MYO1E: variants seen among roughly 807,000 people sequenced by gnomAD.
MYO1E encodes the protein unconventional myosin-Ie.
Under a neutral mutation model 151.1 loss-of-function variants are expected in MYO1E, and 68 were observed. That is an observed-to-expected ratio of 0.45 (90% CI 0.37 to 0.55). The LOEUF (loss-of-function observed/expected upper bound fraction) is 0.55. Ranked by LOEUF, MYO1E falls within the 20% of genes least tolerant of loss-of-function variation. The probability of loss-of-function intolerance (pLI) is 0.00; values close to 1 mark genes in which losing one functional copy is unlikely to be tolerated. For missense variants in MYO1E, 1,363 were observed against 1,389.3 expected (o/e 0.98, Z 0.30); for synonymous variants, 601 against 501.7 (o/e 1.20, Z -2.64).
In MYO1E at chr15:59,159,982, C is replaced by T. The variant is rs1314267682; in HGVS notation, c.2785+1091G>A. Among the ~76,000 whole-genome samples the T allele has an allele frequency of 3.9e-5, 6 of 152,164 alleles. No homozygotes were observed. The highest frequency in any genetic ancestry group is 1.4e-4 in the African/African-American group (6 of 41,430). On this transcript the variant is annotated intron_variant, in intron 24 of 27. Coordinates refer to ENST00000288235, the MANE Select transcript of MYO1E (RefSeq NM_004998.4). This position sits in a 1 kb window ranked among gnomAD's most constrained non-coding sequence, Gnocchi z 4.4. ...GCCTCAGCCTCCCAAGTAGCTGGGA[C>T]TACAGGCATACGCCACAACACCTGG...
intron 13 of MYO1E, among the ~76,000 whole-genome samples, chr15:59,209,819 T>C (rs1434658524): frequency 1.5e-4 from 9 of 58,430 alleles, no homozygotes; most frequent in Admixed American, 3.5e-4. Context: ...AATCACCTTT[T>C]TTTTTTTTTT....
chr15:59,156,277 C>T (rs192710983), intron 25 of MYO1E, among the ~76,000 whole-genome samples: 10 of 152,256 alleles, frequency 6.6e-5, no homozygotes, highest in South Asian at 4.1e-4. Flanking sequence ...CTCCACCTCC[C>T]GGGTTCAAGC....
chr15:59,256,114 T>G (rs550146648), intron 4 of MYO1E, among the ~76,000 whole-genome samples, 170 bp downstream of exon 4: 1 of 152,208 alleles, frequency 6.6e-6, no homozygotes, highest in Non-Finnish European at 1.5e-5. Context: ...CTCTATTATA[T>G]AGAGTTATAA....
chr15:59,313,515 A>G (rs1238051090), intron 1 of MYO1E, among the ~76,000 whole-genome samples: 3 of 64,048 alleles, frequency 4.7e-5, no homozygotes, highest in Non-Finnish European at 9.3e-5. Flanking sequence ...CCCACCTCCA[A>G]CACTCCATCA....
At chr15:59,349,793 A>G (rs536899825) in intron 1 of MYO1E, among the ~76,000 whole-genome samples, 1 of 152,276 alleles carries the variant, frequency 6.6e-6, no homozygotes, top group East Asian at 1.9e-4. Flanking sequence ...AACCTTACTC[A>G]ATTATTTCCA....
intron 24 of MYO1E, 75 bp downstream of exon 24, chr15:59,160,998 C>T (rs1175608556): frequency 5.1e-6 from 8 of 1,577,744 alleles, no homozygotes; most frequent in African/African-American, 1.3e-5. Flanking sequence ...CATCTGTGCA[C>T]ATGTTTGCAG....
intron 6 of MYO1E, among the ~76,000 whole-genome samples, chr15:59,228,129 T>C (rs1419338188): frequency 6.6e-6 from 1 of 152,152 alleles, no homozygotes; most frequent in Non-Finnish European, 1.5e-5. Context: ...TGACTGCTAA[T>C]AGGGAACAAA....
chr15:59,174,877 G>C (rs1390693092), intron 19 of MYO1E, among the ~76,000 whole-genome samples: 1 of 152,064 alleles, frequency 6.6e-6, no homozygotes, highest in African/African-American at 2.4e-5. Flanking sequence ...GAAAGGCTGG[G>C]GCTGTTTAGG....
chr15:59,201,491 G>T (rs1479390926), intron 16 of MYO1E, among the ~76,000 whole-genome samples: 1 of 148,104 alleles, frequency 6.8e-6, no homozygotes, highest in Non-Finnish European at 1.5e-5. Flanking sequence ...TGCAACCTCT[G>T]CCTCCAGGGT....
intron 23 of MYO1E, among the ~76,000 whole-genome samples, chr15:59,162,114 G>A (rs187878593): frequency 6.6e-6 from 1 of 152,164 alleles, no homozygotes; most frequent in South Asian, 2.1e-4. Flanking sequence ...TCAGCTCACT[G>A]CAACCTCTGC....
At chr15:59,156,171 T>G (rs1237790102) in intron 25 of MYO1E, among the ~76,000 whole-genome samples, 1 of 152,128 alleles carries the variant, frequency 6.6e-6, no homozygotes, top group African/African-American at 2.4e-5. Context: ...TAATTTTTAT[T>G]TTTTAATTTA....
chr15:59,184,496 C>T (rs907454486), intron 18 of MYO1E, among the ~76,000 whole-genome samples: 2 of 151,406 alleles, frequency 1.3e-5, no homozygotes. Context: ...AAGTAGCTGG[C>T]ATTACAGGCA....
chr15:59,165,948 G>A (rs2079560885), intron 22 of MYO1E, among the ~76,000 whole-genome samples: 2 of 152,200 alleles, frequency 1.3e-5, no homozygotes, highest in South Asian at 4.1e-4. Context: ...CTGAACTGTG[G>A]CAGGATGGTG....
At chr15:59,198,684 G>C (rs1236321302) in intron 16 of MYO1E, among the ~76,000 whole-genome samples, 1 of 152,020 alleles carries the variant, frequency 6.6e-6, no homozygotes, top group African/African-American at 2.4e-5. Context: ...AGCTGAGCAT[G>C]GTGGTGCCAC....
intron 2 of MYO1E, chr15:59,266,918 C>T (rs2140378053): frequency 6.6e-6 from 1 of 151,936 alleles, no homozygotes; most frequent in African/African-American, 2.4e-5. Flanking sequence ...GCCTTGGCCT[C>T]CCAAAGTGCT....
rs2079525884 is a variant in MYO1E at position 59,159,416 on chromosome 15, T to C, written c.2786-1037A>G. On this transcript the variant is annotated intron_variant, in intron 24 of 27. Coordinates refer to ENST00000288235, the MANE Select transcript of MYO1E (RefSeq NM_004998.4). This position sits in a 1 kb window ranked among gnomAD's most constrained non-coding sequence, Gnocchi z 4.4. ...TCTGAGTCCTGTGGACAGCCAGGCC[T>C]CTGCCTTCCAGTGGGGTGAGGCCTA... 6.6e-6 allele frequency among the ~76,000 whole-genome samples: 1 copy of C among 152,256 alleles called. No homozygotes were observed. The highest frequency in any genetic ancestry group is 1.5e-5 in the Non-Finnish European group (1 of 68,046).
chr15:59,136,951 T>C lies in MYO1E; in HGVS notation c.*429A>G. 5.6e-6 allele frequency: 2 copies of C among 359,718 alleles called. No homozygotes were observed. The highest frequency in any genetic ancestry group is 1.1e-5 in the Non-Finnish European group (2 of 181,688). The allele number at this position is 359,718 out of a possible 1,614,324, so 22.3% of individuals were successfully genotyped here. On this transcript the variant is annotated 3_prime_UTR_variant, in exon 28 of 28. Transcript: ENST00000288235. Reference sequence around the variant, plus strand: ...GGAAGGTGGCAGAGAGGAATGTGTCTATCAGGTATGGACAAGAGAGATGAA... The same window carrying C: ...GGAAGGTGGCAGAGAGGAATGTGTCCATCAGGTATGGACAAGAGAGATGAA...
Position 59,326,296 on chromosome 15 carries a change from G to A in MYO1E, c.3+46202C>T, listed in dbSNP as rs191564491. Among the ~76,000 whole-genome samples the A allele has an allele frequency of 1.2e-4, 19 of 152,232 alleles. No homozygotes were observed. In the East Asian group the frequency reaches 3.1e-3, roughly 25 times the overall value. On this transcript the variant is annotated intron_variant, in intron 1 of 27. Transcript: ENST00000288235. ...GCACTTTGGGAGGCCGAGGCAGGCA[G>A]AAGACGAGGTCAGGAGATCGAGACC... is the stretch of plus-strand genomic sequence containing the variant.
intron 12 of MYO1E, among the ~76,000 whole-genome samples, chr15:59,212,025 G>A (rs2079882252): frequency 6.6e-6 from 1 of 152,044 alleles, no homozygotes; most frequent in Non-Finnish European, 1.5e-5. Context: ...AAATTCTTCA[G>A]TGGGTCCTCA....
Sources: gnomAD v4.1 joint callset for allele counts (sites outside exome capture counted in the v4.1 genomes callset) on GRCh38, gnomAD v4.1.1 for gene constraint, Gnocchi (gnomAD v3.1) non-coding constraint, MANE v1.5 for transcripts, NCBI Gene and HGNC (gene_info 2026-07-23, HGNC 2026-07-21) for gene names.